The following ADAM12 variants were observed in gnomAD, a reference collection of about 807,000 sequenced individuals.
ADAM12 encodes disintegrin and metalloproteinase domain-containing protein 12.
ADAM12 carries 70 observed loss-of-function variants against 106.4 expected under a neutral mutation model. The observed-to-expected ratio is 0.66, with a 90% CI of 0.54 to 0.80. The LOEUF is 0.80. Among genes scored for constraint, ADAM12 ranks in the 30% least tolerant of loss-of-function variants. ADAM12 has a pLI of 0.00. For missense variants in ADAM12, 1,010 were observed against 1,171.9 expected (o/e 0.86, Z 2.02); for synonymous variants, 420 against 433.5 (o/e 0.97, Z 0.39).
At chr10:126,324,937 A>G (rs1854239743) in intron 2 of ADAM12, among the ~76,000 whole-genome samples, 1 of 151,996 alleles carries the variant, frequency 6.6e-6, no homozygotes, top group Non-Finnish European at 1.5e-5. Context: ...CGGTTCACAC[A>G]GTGGGAACTC....
intron 4 of ADAM12, among the ~76,000 whole-genome samples, chr10:126,139,991 G>A (rs1956480861): frequency 6.6e-6 from 1 of 152,190 alleles, no homozygotes; most frequent in Admixed American, 6.5e-5. Flanking sequence ...GGGGCATCAG[G>A]GGGATCCTAG....
Position 126,171,978 on chromosome 10 carries a change from G to GA in ADAM12, c.261-16674dup, listed in dbSNP as rs570317250. ...GCTGAAAGCTTTCCATGTGTCTGGGGAAAAAAATAGCTAATACGTTGAGGA... is the reference window on the plus strand; with the variant it reads ...GCTGAAAGCTTTCCATGTGTCTGGGGAAAAAAAATAGCTAATACGTTGAGGA... On this transcript the variant is annotated intron_variant, in intron 3 of 22. Transcript: ENST00000448723. Among the ~76,000 whole-genome samples, 25 of 152,152 alleles carry GA rather than the reference G, an allele frequency of 1.6e-4. No homozygotes were observed. The East Asian group carries it at 1.9e-3, about 12-fold the overall frequency.
At chr10:126,031,816 A>C (rs1312790696) in intron 21 of ADAM12, among the ~76,000 whole-genome samples, 2 of 152,216 alleles carry the variant, frequency 1.3e-5, no homozygotes, top group African/African-American at 2.4e-5. Flanking sequence ...CCACCTCTGC[A>C]GAAAATGCAT....
chr10:126,370,223 T>A (rs1856062774), intron 1 of ADAM12, among the ~76,000 whole-genome samples: 1 of 152,216 alleles, frequency 6.6e-6, no homozygotes, highest in Non-Finnish European at 1.5e-5. Context: ...TGTGCCTAGA[T>A]TCGTAACCCA....
At chr10:126,263,443 C>G (rs1015328311) in intron 3 of ADAM12, among the ~76,000 whole-genome samples, 1 of 151,518 alleles carries the variant, frequency 6.6e-6, no homozygotes, top group African/African-American at 2.4e-5. Flanking sequence ...CAGTGCTTCT[C>G]CCCTATATCA....
At chr10:126,361,866 G>C (rs776328203) in intron 1 of ADAM12, among the ~76,000 whole-genome samples, 6 of 151,894 alleles carry the variant, frequency 4.0e-5, no homozygotes, top group Non-Finnish European at 7.4e-5. Flanking sequence ...ACATGATGTT[G>C]GTCTATAGGC....
At chr10:126,301,113 C>G (rs915090170) in intron 2 of ADAM12, among the ~76,000 whole-genome samples, 21 of 152,140 alleles carry the variant, frequency 1.4e-4, no homozygotes, top group African/African-American at 4.3e-4. Context: ...TCCAGGGGTG[C>G]CGCTAAACAT....
intron 21 of ADAM12, among the ~76,000 whole-genome samples, chr10:126,031,527 T>G (rs1474118005): frequency 6.6e-6 from 1 of 152,220 alleles, no homozygotes; most frequent in Non-Finnish European, 1.5e-5. Context: ...TGACCAGGCA[T>G]TTGAAGGAGT....
At position 126,014,312 on chromosome 10, in the gene ADAM12, G is replaced by GTTTTTTTTTTTTTTTT. The variant is rs145629858; in HGVS notation, c.*2966_*2967insAAAAAAAAAAAAAAAA. The GTTTTTTTTTTTTTTTT allele has an allele frequency of 3.4e-5, 3 of 87,664 alleles. No individual in the cohort carries two copies. Among genetic ancestry groups the GTTTTTTTTTTTTTTTT allele is most frequent in the African/African-American group, 8.4e-5 (2 of 23,904 alleles). 5.4% of individuals were successfully genotyped at this position (87,664 alleles called of 1,614,324 possible). ...AGAACATTTTGACACAGTTTTAGCC[G>GTTTTTTTTTTTTTTTT]GTTTTTTTTTTTTTTTTTTTTTTTT... On this transcript the variant is annotated 3_prime_UTR_variant, in exon 23 of 23. Transcript: ENST00000448723.
chr10:126,105,166 T>C (rs932771694), intron 8 of ADAM12, among the ~76,000 whole-genome samples: 1 of 152,192 alleles, frequency 6.6e-6, no homozygotes, highest in Non-Finnish European at 1.5e-5. Flanking sequence ...CGTTAGGACT[T>C]TTCCGAGGCA....
chr10:126,339,339 C>A (rs78171995), intron 1 of ADAM12, among the ~76,000 whole-genome samples: 3,732 of 152,308 alleles, frequency 0.025, 152 homozygotes, highest in African/African-American at 0.085. Flanking sequence ...ATCTTCATCT[C>A]CCAGCGAAAA....
intron 4 of ADAM12, among the ~76,000 whole-genome samples, chr10:126,143,174 G>C (rs1956550296): frequency 6.6e-6 from 1 of 151,164 alleles, no homozygotes; most frequent in Non-Finnish European, 1.5e-5. Context: ...ATATATGTAT[G>C]TGTGTATATG....
intron 5 of ADAM12, among the ~76,000 whole-genome samples, chr10:126,123,303 G>T (rs1371465981): frequency 6.6e-6 from 1 of 152,228 alleles, no homozygotes; most frequent in Non-Finnish European, 1.5e-5. Flanking sequence ...GAATGTCACA[G>T]ATATTTAGTT....
chr10:126,208,369 T>C (rs114498074), intron 3 of ADAM12, among the ~76,000 whole-genome samples: 3,254 of 152,238 alleles, frequency 0.021, 117 homozygotes, highest in African/African-American at 0.074. Flanking sequence ...TCCCCTCCTC[T>C]GCAAGAGTCA....
chr10:126,118,746 C>T (rs564140030), intron 5 of ADAM12, among the ~76,000 whole-genome samples: 1 of 152,300 alleles, frequency 6.6e-6, no homozygotes, highest in Admixed American at 6.5e-5. Flanking sequence ...GGTATTCTTT[C>T]ATCCCTCTCC....
intron 3 of ADAM12, among the ~76,000 whole-genome samples, chr10:126,240,568 C>T (rs573567870): frequency 2.6e-5 from 4 of 152,350 alleles, no homozygotes; most frequent in South Asian, 2.1e-4. Context: ...TTCACACAGG[C>T]AGTCAGCTGT....
chr10:126,064,930 G>A lies in ADAM12; in HGVS notation c.1485C>T (p.Ala495=). 2.5e-6 allele frequency: 4 copies of A among 1,613,262 alleles called. No individual in the cohort carries two copies. Among genetic ancestry groups the A allele is most frequent in the Non-Finnish European group, 3.4e-6 (4 of 1,179,732 alleles). The change falls in exon 14 of 23, where the codon GCC becomes GCT. Residue 495 remains alanine (A), a synonymous_variant. Coordinates refer to ENST00000448723, the MANE Select transcript of ADAM12 (RefSeq NM_001288973.2). The surrounding 1 kb of genome is among the most constrained non-coding windows in gnomAD (Gnocchi z 4.4). ...SCDLPEFCTG[A]SPHCPANVYL... ...ACACGTTGGCTGGGCAGTGAGGGCT[G>A]GCCCCTGTGCAGAACTCTGGGAGGT...
intron 1 of ADAM12, among the ~76,000 whole-genome samples, chr10:126,377,241 G>C (rs947828843): frequency 1.3e-5 from 2 of 152,180 alleles, no homozygotes; most frequent in African/African-American, 2.4e-5. Context: ...GGGTTCTCTA[G>C]AGGGACAGAA....
At chr10:126,315,911 G>T (rs534821559) in intron 2 of ADAM12, among the ~76,000 whole-genome samples, 2 of 152,284 alleles carry the variant, frequency 1.3e-5, no homozygotes, top group African/African-American at 4.8e-5. Flanking sequence ...CCAGCGATCC[G>T]ATGCATTCCC....
Sources: gnomAD v4.1 joint callset for allele counts (sites outside exome capture counted in the v4.1 genomes callset) on GRCh38, gnomAD v4.1.1 for gene constraint, Gnocchi (gnomAD v3.1) non-coding constraint, MANE v1.5 for transcripts, NCBI Gene and HGNC (gene_info 2026-07-23, HGNC 2026-07-21) for gene names.